The following CRIM1 variants were observed in gnomAD, a reference collection of about 807,000 sequenced individuals.
The protein encoded by CRIM1 is cysteine rich transmembrane BMP regulator 1, also known as cysteine-rich motor neuron 1 protein.
CRIM1 carries 32 observed loss-of-function variants against 116.4 expected under a neutral mutation model. The observed-to-expected ratio is 0.27, with a 90% CI of 0.21 to 0.37. CRIM1 has a LOEUF of 0.37. CRIM1 is among the 10% of genes least tolerant of loss of function. The pLI, the probability that CRIM1 is intolerant of heterozygous loss-of-function variation, is 1.00. For missense variants in CRIM1, 1,331 were observed against 1,354.8 expected (o/e 0.98, Z 0.28); for synonymous variants, 590 against 509.2 (o/e 1.16, Z -2.13).
chr2:36,522,829 A>G (rs545054884), intron 13 of CRIM1, among the ~76,000 whole-genome samples: 4 of 150,622 alleles, frequency 2.7e-5, no homozygotes, highest in South Asian at 2.1e-4. Flanking sequence ...GAAGAAGAAG[A>G]AGGAGAAAGA....
At chr2:36,373,628 G>A (rs746440604) in intron 1 of CRIM1, among the ~76,000 whole-genome samples, 2 of 152,146 alleles carry the variant, frequency 1.3e-5, no homozygotes, top group Non-Finnish European at 1.5e-5. Context: ...TTGCGGAGCC[G>A]GTGGACCAGC....
intron 4 of CRIM1, among the ~76,000 whole-genome samples, chr2:36,445,636 G>A (rs543384812): frequency 3.9e-4 from 59 of 152,202 alleles, no homozygotes; most frequent in African/African-American, 1.3e-3. Context: ...TGAATGAGTC[G>A]GTAAATGCAG....
intron 1 of CRIM1, among the ~76,000 whole-genome samples, chr2:36,383,963 G>A (rs1407125658): frequency 6.6e-6 from 1 of 152,180 alleles, no homozygotes; most frequent in Non-Finnish European, 1.5e-5. Context: ...CAGTGAACGA[G>A]ACAAAAATTC....
At chr2:36,401,437 C>T (rs1412343876) in intron 2 of CRIM1, among the ~76,000 whole-genome samples, 4 of 152,154 alleles carry the variant, frequency 2.6e-5, no homozygotes, top group African/African-American at 7.2e-5. Context: ...TTTATGCTTC[C>T]GTGCCTTACT....
At chr2:36,407,775 A>G (rs1463180031) in intron 2 of CRIM1, among the ~76,000 whole-genome samples, 2 of 152,124 alleles carry the variant, frequency 1.3e-5, no homozygotes, top group African/African-American at 4.8e-5. Context: ...TGTGAGTGTA[A>G]AGGAGCCTCT....
At chr2:36,362,174 A>G (rs2148278885) in intron 1 of CRIM1, among the ~76,000 whole-genome samples, 1 of 152,164 alleles carries the variant, frequency 6.6e-6, no homozygotes, top group African/African-American at 2.4e-5. Flanking sequence ...AGTCTACATA[A>G]TAATATAAAT....
At chr2:36,368,809 C>T (rs1669762166) in intron 1 of CRIM1, among the ~76,000 whole-genome samples, 1 of 152,282 alleles carries the variant, frequency 6.6e-6, no homozygotes, top group South Asian at 2.1e-4. Context: ...TTTTAGTTTT[C>T]TGTAATACTT....
At chr2:36,364,460 A>T (rs1397467156) in intron 1 of CRIM1, among the ~76,000 whole-genome samples, 8 of 152,236 alleles carry the variant, frequency 5.3e-5, no homozygotes, top group African/African-American at 1.9e-4. Flanking sequence ...TCAGTAAGCC[A>T]TGAGATAACG....
chr2:36,376,175 T>G (rs780650993), intron 1 of CRIM1, among the ~76,000 whole-genome samples: 6 of 152,218 alleles, frequency 3.9e-5, no homozygotes, highest in Non-Finnish European at 7.3e-5. Context: ...ATCAATAGAT[T>G]GTTTCCAGTG....
At chr2:36,437,203 A>G (rs1347700770) in intron 2 of CRIM1, among the ~76,000 whole-genome samples, 1 of 152,194 alleles carries the variant, frequency 6.6e-6, no homozygotes, top group African/African-American at 2.4e-5. Flanking sequence ...GTGAAACCGT[A>G]TCTGTACTAA....
chr2:36,443,130 T>C (rs1317675445), intron 4 of CRIM1, among the ~76,000 whole-genome samples: 1 of 152,166 alleles, frequency 6.6e-6, no homozygotes, highest in South Asian at 2.1e-4. Flanking sequence ...TGATGAAACA[T>C]TGGGACCCTT....
chr2:36,450,519 A>G (rs543221991), intron 4 of CRIM1, among the ~76,000 whole-genome samples: 2 of 152,314 alleles, frequency 1.3e-5, no homozygotes, highest in Non-Finnish European at 2.9e-5. Flanking sequence ...GTCTCTTAAA[A>G]TGAAAAAAGA....
At chr2:36,527,653 C>G (rs754065343) in intron 13 of CRIM1, among the ~76,000 whole-genome samples, 1 of 152,046 alleles carries the variant, frequency 6.6e-6, no homozygotes, top group East Asian at 1.9e-4. Context: ...CTCTACTAAA[C>G]TGGTATCTTA....
At chr2:36,382,707 CT>C (rs1460392035) in intron 1 of CRIM1, among the ~76,000 whole-genome samples, 1 of 152,232 alleles carries the variant, frequency 6.6e-6, no homozygotes, top group Non-Finnish European at 1.5e-5. Flanking sequence ...TGGCCTGTGT[CT>C]CCTGGCTCAA....
At position 36,356,551 on chromosome 2, in the gene CRIM1, G is replaced by C; in HGVS notation, c.259G>C (p.Gly87Arg). Residue 87 changes from glycine (G) to arginine (R), a missense_variant, in exon 1 of 17, where the codon GGG (glycine) becomes CGG (arginine). By Grantham distance (125) the Gly-to-Arg change is moderately radical. Coordinates refer to ENST00000280527, the MANE Select transcript of CRIM1 (RefSeq NM_016441.3). The surrounding 1 kb of genome is among the most constrained non-coding windows in gnomAD (Gnocchi z 4.3). Reference protein sequence around the residue: ...TFGIYGTCDRGLRCVIRPPLN... With the variant: ...TFGIYGTCDRRLRCVIRPPLN... Reference sequence around the variant, plus strand: ...CGGGATTTACGGAACCTGCGACCGGGGGCTGCGTTGTGTCATCCGCCCCCC... The same window carrying C: ...CGGGATTTACGGAACCTGCGACCGGCGGCTGCGTTGTGTCATCCGCCCCCC... 6.2e-7 allele frequency: 1 copy of C among 1,612,670 alleles called. No homozygotes were observed. The highest frequency in any genetic ancestry group is 8.5e-7 in the Non-Finnish European group (1 of 1,179,860).
intron 13 of CRIM1, among the ~76,000 whole-genome samples, chr2:36,526,438 C>T (rs1205131507): frequency 6.6e-6 from 1 of 152,202 alleles, no homozygotes; most frequent in East Asian, 1.9e-4. Context: ...TAAAGCATCC[C>T]ATGGCCATTT....
rs1037727297 is a variant in CRIM1 at position 36,537,605 on chromosome 2, G to A, written c.2623+59G>A. ...TGTAATGTTGATTTAAGATGAAATC[G>A]AAGCAGAGCTCGACCTGCCCCTTCT... On this transcript the variant is annotated intron_variant, in intron 14 of 16. Coordinates refer to ENST00000280527, the MANE Select transcript of CRIM1 (RefSeq NM_016441.3). The A allele has an allele frequency of 4.7e-5, 70 of 1,488,506 alleles. 1 individual carries two copies. Among genetic ancestry groups the A allele is most frequent in the Middle Eastern group, 1.8e-4 (1 of 5,578 alleles). The allele number at this position is 1,488,506 out of a possible 1,614,324, so 92.2% of individuals were successfully genotyped here.
At chr2:36,446,363 T>G (rs185667856) in intron 4 of CRIM1, among the ~76,000 whole-genome samples, 1 of 152,354 alleles carries the variant, frequency 6.6e-6, no homozygotes, top group Admixed American at 6.5e-5. Context: ...TCATCAAACA[T>G]GAATTGAGTT....
At chr2:36,450,080 G>A (rs1036372114) in intron 4 of CRIM1, among the ~76,000 whole-genome samples, 6 of 151,606 alleles carry the variant, frequency 4.0e-5, no homozygotes, top group South Asian at 2.1e-4. Flanking sequence ...TAGTCCCTAC[G>A]TAGCAGAAGC....
Sources: allele counts gnomAD v4.1 joint callset (sites outside exome capture counted in the v4.1 genomes callset), GRCh38; gene constraint gnomAD v4.1.1; non-coding constraint Gnocchi (gnomAD v3.1); transcripts MANE v1.5; gene names NCBI Gene and HGNC (gene_info 2026-07-23, HGNC 2026-07-21).